The following PTPRK variants were observed in gnomAD, a reference collection of about 807,000 sequenced individuals.
PTPRK encodes protein tyrosine phosphatase receptor type K.
Under a neutral mutation model 178.0 loss-of-function variants are expected in PTPRK, and 75 were observed. The ratio of observed to expected loss-of-function variants is 0.42; its 90% CI spans 0.35 to 0.51. The LOEUF (loss-of-function observed/expected upper bound fraction) is 0.51. PTPRK is among the 20% of genes least tolerant of loss of function. The probability of loss-of-function intolerance (pLI) is 0.02; values close to 1 mark genes in which losing one functional copy is unlikely to be tolerated. For missense variants in PTPRK, 1,441 were observed against 1,797.8 expected (o/e 0.80, Z 3.59); for synonymous variants, 637 against 620.6 (o/e 1.03, Z -0.39).
At chr6:128,020,406 T>C (rs1037880333) in intron 13 of PTPRK, among the ~76,000 whole-genome samples, 3 of 152,328 alleles carry the variant, frequency 2.0e-5, no homozygotes, top group Middle Eastern at 3.4e-3. Flanking sequence ...TGTGGATATA[T>C]GGAGACGTTG....
At chr6:128,434,363 T>G (rs1351706678) in intron 1 of PTPRK, among the ~76,000 whole-genome samples, 1 of 152,162 alleles carries the variant, frequency 6.6e-6, no homozygotes, top group Non-Finnish European at 1.5e-5. Flanking sequence ...TCAAAACGAC[T>G]AATAATACAA....
At chr6:128,323,535 T>G (rs1180926367) in intron 2 of PTPRK, among the ~76,000 whole-genome samples, 1 of 152,106 alleles carries the variant, frequency 6.6e-6, no homozygotes, top group Non-Finnish European at 1.5e-5. Context: ...TCCCCAAAAT[T>G]TGTACCCATG....
At chr6:128,315,595 G>A (rs1342377490) in intron 3 of PTPRK, among the ~76,000 whole-genome samples, 4 of 152,008 alleles carry the variant, frequency 2.6e-5, no homozygotes, top group African/African-American at 9.7e-5. Context: ...GTAAAATTTA[G>A]TGTCCAAAGT....
chr6:128,275,136 T>C (rs554004994), intron 3 of PTPRK, among the ~76,000 whole-genome samples: 73 of 152,164 alleles, frequency 4.8e-4, no homozygotes, highest in Non-Finnish European at 9.0e-4. Context: ...ATAACACTTA[T>C]GATATAGGTA....
chr6:128,362,168 C>T (rs2128342860), intron 2 of PTPRK, among the ~76,000 whole-genome samples: 1 of 152,196 alleles, frequency 6.6e-6, no homozygotes, highest in East Asian at 1.9e-4. Context: ...TCTGGTGAGG[C>T]CTCAGAGAGC....
At chr6:128,324,570 C>A (rs781395771) in intron 2 of PTPRK, among the ~76,000 whole-genome samples, 1 of 152,032 alleles carries the variant, frequency 6.6e-6, no homozygotes, top group Non-Finnish European at 1.5e-5. Flanking sequence ...ACATTTCAAG[C>A]AAGTTAAATA....
chr6:128,430,787 C>A (rs1844737849), intron 1 of PTPRK, among the ~76,000 whole-genome samples: 1 of 152,124 alleles, frequency 6.6e-6, no homozygotes, highest in African/African-American at 2.4e-5. Context: ...AGGAAGTCTA[C>A]TGTGTGCTAG....
chr6:128,247,913 T>C (rs1187582044), intron 3 of PTPRK, among the ~76,000 whole-genome samples: 10 of 152,348 alleles, frequency 6.6e-5, no homozygotes, highest in Non-Finnish European at 1.5e-4. Flanking sequence ...TAGTATTTTA[T>C]TCCTATAAAC....
intron 7 of PTPRK, among the ~76,000 whole-genome samples, chr6:128,113,910 A>G (rs1035929855): frequency 6.6e-6 from 1 of 152,138 alleles, no homozygotes; most frequent in Non-Finnish European, 1.5e-5. Flanking sequence ...ATGTATCTTT[A>G]TGGTATCCAA....
chr6:128,107,193 TTATATAA>T (rs967853589), intron 7 of PTPRK, among the ~76,000 whole-genome samples: 18 of 152,074 alleles, frequency 1.2e-4, no homozygotes, highest in Admixed American at 2.6e-4. Context: ...TCATATAGTA[TTATATAA>T]TATATAAGTA....
At chr6:128,036,824 C>T (rs796124720) in intron 13 of PTPRK, among the ~76,000 whole-genome samples, 5 of 151,860 alleles carry the variant, frequency 3.3e-5, no homozygotes, top group South Asian at 2.1e-4. Flanking sequence ...CTCTGCCTCC[C>T]GGGTTGAATT....
chr6:128,456,746 C>T (rs1226601169), intron 1 of PTPRK, among the ~76,000 whole-genome samples: 3 of 152,006 alleles, frequency 2.0e-5, no homozygotes, highest in Non-Finnish European at 4.4e-5. Context: ...TTTAAGCAAA[C>T]ATTAGATGAG....
intron 7 of PTPRK, among the ~76,000 whole-genome samples, chr6:128,141,927 C>A (rs572798306): frequency 1.1e-3 from 173 of 151,916 alleles, no homozygotes; most frequent in African/African-American, 4.1e-3. Context: ...GCAGATGGTA[C>A]AATATATTGC....
intron 7 of PTPRK, among the ~76,000 whole-genome samples, chr6:128,170,211 C>T (rs1297608944): frequency 2.6e-5 from 4 of 151,890 alleles, no homozygotes; most frequent in Non-Finnish European, 4.4e-5. Flanking sequence ...TGTGGGAGCC[C>T]GAGTGTTGGG....
At chr6:128,251,330 T>C (rs1418101775) in intron 3 of PTPRK, among the ~76,000 whole-genome samples, 1 of 152,186 alleles carries the variant, frequency 6.6e-6, no homozygotes, top group Non-Finnish European at 1.5e-5. Context: ...ATATGCCAAC[T>C]AAATATGGAA....
chr6:128,311,010 C>G (rs796580275), intron 3 of PTPRK, among the ~76,000 whole-genome samples: 8 of 152,012 alleles, frequency 5.3e-5, no homozygotes, highest in African/African-American at 1.7e-4. Context: ...AAAGTTCCCC[C>G]GGGATCCCAG....
chr6:128,072,826 G>A (rs1307821731), intron 11 of PTPRK, among the ~76,000 whole-genome samples: 4 of 151,994 alleles, frequency 2.6e-5, no homozygotes, highest in African/African-American at 7.2e-5. Context: ...AGATGAGGAT[G>A]ACTGAAGGAT....
intron 13 of PTPRK, among the ~76,000 whole-genome samples, chr6:128,050,712 T>C (rs568881902): frequency 1.3e-5 from 2 of 152,292 alleles, no homozygotes; most frequent in Admixed American, 6.5e-5. Flanking sequence ...TAATTTTTAG[T>C]TTAAGTTTTT....
At chr6:128,491,774 C>G (rs147967771) in intron 1 of PTPRK, 4 of 518,240 alleles carry the variant, frequency 7.7e-6, no homozygotes, top group African/African-American at 5.8e-5. Flanking sequence ...GTTCTGTGTG[C>G]GTGATAGATG....
Sources: allele counts gnomAD v4.1 joint callset (sites outside exome capture counted in the v4.1 genomes callset), GRCh38; gene constraint gnomAD v4.1.1; transcripts MANE v1.5; gene names NCBI Gene and HGNC (gene_info 2026-07-23, HGNC 2026-07-21).